Variants in BORCS5 observed in about 807,000 individuals in gnomAD.
The protein encoded by BORCS5 is BLOC-1 related complex subunit 5, also known as BLOC-1-related complex subunit 5.
Under a neutral mutation model 22.1 loss-of-function variants are expected in BORCS5, and 17 were observed. That is an observed-to-expected ratio of 0.77 (90% CI 0.53 to 1.15). The LOEUF (loss-of-function observed/expected upper bound fraction) is 1.15. Among genes scored for constraint, BORCS5 ranks in the 50% most tolerant of loss-of-function variants. The pLI is 0.00. For synonymous variants in BORCS5, 117 were observed against 99.8 expected (o/e 1.17, Z -1.03); for missense variants, 247 against 253.2 (o/e 0.98, Z 0.17).
chr12:12,435,829 A>AT (rs769957834), intron 3 of BORCS5, 44 bp downstream of exon 3: 100 of 1,579,278 alleles, frequency 6.3e-5, no homozygotes, highest in Non-Finnish European at 8.5e-5. Context: ...GGTTGTTGTG[A>AT]TTCTCTGCAA....
intron 1 of BORCS5, 50 bp downstream of exon 1, chr12:12,357,559 A>G (rs758840157): frequency 5.7e-6 from 9 of 1,569,758 alleles, no homozygotes; most frequent in Non-Finnish European, 7.8e-6. Flanking sequence ...GTCCCCTTGC[A>G]GAGCGGGCTG....
chr12:12,383,059 C>T (rs1164175534), intron 2 of BORCS5, among the ~76,000 whole-genome samples: 1 of 151,154 alleles, frequency 6.6e-6, no homozygotes, highest in Non-Finnish European at 1.5e-5. Context: ...TATTTTGTTT[C>T]TCTGTTCCTC....
chr12:12,430,807 C>T (rs1296982446), intron 2 of BORCS5, among the ~76,000 whole-genome samples: 1 of 152,086 alleles, frequency 6.6e-6, no homozygotes, highest in African/African-American at 2.4e-5. Flanking sequence ...GCACCCCAAC[C>T]CCCATTTTTA....
Position 12,398,961 on chromosome 12 carries a change from T to G in BORCS5, c.203-36667T>G, listed in dbSNP as rs111273668. Reference sequence around the variant, plus strand: ...TACTGGCATCTTGGGTGGGCCAGCCTTTATTGTGTGTCACTGCCGTGTATT... The same window carrying G: ...TACTGGCATCTTGGGTGGGCCAGCCGTTATTGTGTGTCACTGCCGTGTATT... On this transcript the variant is annotated intron_variant, in intron 2 of 3. Coordinates refer to ENST00000314565, the MANE Select transcript of BORCS5 (RefSeq NM_058169.6). Among the ~76,000 whole-genome samples the G allele has an allele frequency of 8.3e-3, 1,259 of 152,260 alleles. 10 individuals are homozygous for G. Among genetic ancestry groups the G allele is most frequent in the Non-Finnish European group, 0.013 (891 of 68,014 alleles).
rs141619016 is a variant in BORCS5 at position 12,469,657 on chromosome 12, C to T, written c.*3881C>T. ...AGGCAAAACCAGGAATTGTCAGAGA[C>T]GTGACCAGACATGTATTAAAATTCT... On this transcript the variant is annotated 3_prime_UTR_variant, in exon 4 of 4. Transcript: ENST00000314565. The T allele has an allele frequency of 5.5e-4, 84 of 152,314 alleles. No homozygotes were observed. Among genetic ancestry groups the T allele is most frequent in the Middle Eastern group, 3.4e-3 (1 of 294 alleles). 9.4% of individuals were successfully genotyped at this position (152,314 alleles called of 1,614,324 possible). A position where few individuals can be genotyped will look rare whatever the true frequency, so the allele number is the denominator to read the frequency against.
intron 2 of BORCS5, among the ~76,000 whole-genome samples, chr12:12,400,246 T>TA (rs1309827146): frequency 1.3e-5 from 2 of 152,244 alleles, no homozygotes; most frequent in Non-Finnish European, 2.9e-5. Context: ...ATCTTGTTTT[T>TA]ATCACAGGCT....
intron 2 of BORCS5, among the ~76,000 whole-genome samples, chr12:12,390,696 G>A (rs1941155108): frequency 6.6e-6 from 1 of 151,566 alleles, no homozygotes; most frequent in Non-Finnish European, 1.5e-5. Context: ...TGAGGCATCA[G>A]GATTGCTTGA....
chr12:12,407,514 T>C (rs985122497), intron 2 of BORCS5, among the ~76,000 whole-genome samples: 2 of 152,084 alleles, frequency 1.3e-5, no homozygotes, highest in African/African-American at 2.4e-5. Flanking sequence ...ATCATTTTAA[T>C]CCTTTTTGAG....
intron 2 of BORCS5, among the ~76,000 whole-genome samples, chr12:12,374,282 C>T (rs903918158): frequency 6.6e-6 from 1 of 151,814 alleles, no homozygotes; most frequent in African/African-American, 2.4e-5. Flanking sequence ...TGAGCCACCG[C>T]ACCCGGCCAA....
At chr12:12,440,413 G>A (rs1942657197) in intron 3 of BORCS5, among the ~76,000 whole-genome samples, 1 of 152,174 alleles carries the variant, frequency 6.6e-6, no homozygotes, top group Non-Finnish European at 1.5e-5. Flanking sequence ...GTCCTTTGGG[G>A]GTTCCAGAGA....
chr12:12,386,271 G>A (rs959767623), intron 2 of BORCS5, among the ~76,000 whole-genome samples: 1 of 150,998 alleles, frequency 6.6e-6, no homozygotes, highest in African/African-American at 2.4e-5. Flanking sequence ...AAAGTGCTGG[G>A]ATTACAGGTG....
At chr12:12,462,114 A>G (rs1035872729) in intron 3 of BORCS5, among the ~76,000 whole-genome samples, 1 of 152,204 alleles carries the variant, frequency 6.6e-6, no homozygotes, top group African/African-American at 2.4e-5. Flanking sequence ...CGCATAGTGC[A>G]TGGCACATGG....
chr12:12,436,284 G>A (rs374358711), intron 3 of BORCS5, among the ~76,000 whole-genome samples: 9 of 152,288 alleles, frequency 5.9e-5, no homozygotes, highest in African/African-American at 1.7e-4. Context: ...AAACAATTAC[G>A]CCTATTTAAC....
intron 2 of BORCS5, among the ~76,000 whole-genome samples, chr12:12,378,703 G>T (rs1863710809): frequency 1.3e-5 from 2 of 151,252 alleles, no homozygotes; most frequent in African/African-American, 4.9e-5. Context: ...TTGAATAGTT[G>T]TGTAGTTTAG....
In BORCS5 at chr12:12,395,435, ATTTTTTT is replaced by A. The variant is rs59277387; in HGVS notation, c.202+34103_202+34109del. Among the ~76,000 whole-genome samples, 107 of 107,838 alleles carry A rather than the reference ATTTTTTT, an allele frequency of 9.9e-4. 1 individual carries two copies. The highest frequency in any genetic ancestry group is 3.0e-3 in the African/African-American group (73 of 24,602). 70.7% of individuals were successfully genotyped at this position (107,838 alleles called of 152,430 possible). On this transcript the variant is annotated intron_variant, in intron 2 of 3. Coordinates refer to ENST00000314565, the MANE Select transcript of BORCS5 (RefSeq NM_058169.6). Reference sequence around the variant, plus strand: ...AGGTGCGTACCACCACACCCAGCTAATTTTTTTTTTTTTTTTTTTTTTTGTATTTTTA... The same window carrying A: ...AGGTGCGTACCACCACACCCAGCTAATTTTTTTTTTTTTTTTGTATTTTTA...
At chr12:12,411,304 G>A (rs982462423) in intron 2 of BORCS5, among the ~76,000 whole-genome samples, 3 of 152,084 alleles carry the variant, frequency 2.0e-5, no homozygotes, top group Admixed American at 6.5e-5. Flanking sequence ...TCTTGTGCCC[G>A]TTTTCAAAGG....
chr12:12,425,872 T>C (rs1196939547), intron 2 of BORCS5, among the ~76,000 whole-genome samples: 1 of 152,228 alleles, frequency 6.6e-6, no homozygotes, highest in Non-Finnish European at 1.5e-5. Flanking sequence ...CAGCCAGCTT[T>C]TGAAAGCCTG....
In BORCS5 at chr12:12,468,205, C is replaced by T. The variant is rs1420965362; in HGVS notation, c.*2429C>T. The T allele has an allele frequency of 6.6e-6, 1 of 152,240 alleles. No homozygotes were observed. The highest frequency in any genetic ancestry group is 1.5e-5 in the Non-Finnish European group (1 of 68,052). 9.4% of individuals were successfully genotyped at this position (152,240 alleles called of 1,614,324 possible). A position where few individuals can be genotyped will look rare whatever the true frequency, so the allele number is the denominator to read the frequency against. On this transcript the variant is annotated 3_prime_UTR_variant, in exon 4 of 4. Coordinates refer to ENST00000314565, the MANE Select transcript of BORCS5 (RefSeq NM_058169.6). ...TTGCTCAAACCGCTTTCACAATCCT[C>T]TCTTTCTACATCATTCCTAGTGGTT...
At chr12:12,436,634 G>A (rs1209624867) in intron 3 of BORCS5, among the ~76,000 whole-genome samples, 1 of 89,922 alleles carries the variant, frequency 1.1e-5, no homozygotes, top group Non-Finnish European at 2.3e-5. Flanking sequence ...CTTTAACTCT[G>A]GTGAGAGAAG....
Sources: allele counts gnomAD v4.1 joint callset (sites outside exome capture counted in the v4.1 genomes callset), GRCh38; gene constraint gnomAD v4.1.1; transcripts MANE v1.5; gene names NCBI Gene and HGNC (gene_info 2026-07-23, HGNC 2026-07-21).